The following PARD3B variants were observed in gnomAD, a reference collection of about 807,000 sequenced individuals.
The protein encoded by PARD3B is par-3 family cell polarity regulator beta, also known as partitioning defective 3 homolog B.
PARD3B carries 103 observed loss-of-function variants against 130.2 expected under a neutral mutation model. The ratio of observed to expected loss-of-function variants is 0.79; its 90% CI spans 0.67 to 0.93. The LOEUF (loss-of-function observed/expected upper bound fraction) is 0.93. PARD3B is among the 40% of genes least tolerant of loss of function. The pLI, the probability that PARD3B is intolerant of heterozygous loss-of-function variation, is 0.00. For synonymous variants in PARD3B, 583 were observed against 553.2 expected (o/e 1.05, Z -0.76); for missense variants, 1,609 against 1,499.2 (o/e 1.07, Z -1.21).
intron 2 of PARD3B, among the ~76,000 whole-genome samples, chr2:204,912,180 A>G (rs1268350324): frequency 1.3e-5 from 2 of 152,214 alleles, no homozygotes; most frequent in Non-Finnish European, 1.5e-5. Context: ...GTATTTTGAT[A>G]TACATATTTT....
chr2:204,653,008 A>C (rs1027345670), intron 1 of PARD3B, among the ~76,000 whole-genome samples: 10 of 150,992 alleles, frequency 6.6e-5, no homozygotes, highest in Non-Finnish European at 1.3e-4. Flanking sequence ...CTCCCGACAC[A>C]TGGGGATTAC....
At chr2:205,483,244 A>T (rs10187140) in intron 20 of PARD3B, among the ~76,000 whole-genome samples, 46,669 of 152,046 alleles carry the variant, frequency 0.31, 7,332 homozygotes, top group South Asian at 0.4. Context: ...ATAAACATTG[A>T]TGGTGTTGCT....
At chr2:205,471,416 C>T (rs1366948459) in intron 20 of PARD3B, among the ~76,000 whole-genome samples, 6 of 134,588 alleles carry the variant, frequency 4.5e-5, no homozygotes, top group African/African-American at 1.8e-4. Flanking sequence ...GGCTATAGTG[C>T]AGTGGCGCAA....
intron 22 of PARD3B, among the ~76,000 whole-genome samples, chr2:205,574,699 C>T (rs1256604116): frequency 1.3e-5 from 2 of 152,004 alleles, no homozygotes; most frequent in East Asian, 3.9e-4. Flanking sequence ...AGACAAAGCC[C>T]TTCCCTTCAC....
At chr2:205,608,391 A>G (rs946134997) in intron 22 of PARD3B, among the ~76,000 whole-genome samples, 1 of 152,262 alleles carries the variant, frequency 6.6e-6, no homozygotes, top group Non-Finnish European at 1.5e-5. Flanking sequence ...TAAGGGGCCT[A>G]TCAAGTTAGG....
At chr2:204,965,000 A>G (rs906598942) in intron 2 of PARD3B, 152 bp from the exon 3 acceptor site, 1 of 600,758 alleles carries the variant, frequency 1.7e-6, no homozygotes, top group Non-Finnish European at 2.8e-6. Context: ...AATATTATTG[A>G]AAAATTAAGA....
At chr2:205,062,685 G>GA (rs530823719) in intron 4 of PARD3B, among the ~76,000 whole-genome samples, 5 of 151,524 alleles carry the variant, frequency 3.3e-5, no homozygotes. Flanking sequence ...CAAATGAAAA[G>GA]AAAAAAAGAA....
intron 2 of PARD3B, among the ~76,000 whole-genome samples, chr2:204,944,975 T>G (rs1482835226): frequency 6.6e-6 from 1 of 152,242 alleles, no homozygotes; most frequent in African/African-American, 2.4e-5. Context: ...CAAACTGTAT[T>G]TTAATCTTTT....
chr2:205,017,635 AG>A (rs1360177038), intron 3 of PARD3B, among the ~76,000 whole-genome samples: 1 of 152,174 alleles, frequency 6.6e-6, no homozygotes, highest in Non-Finnish European at 1.5e-5. Context: ...CACTGGTCAC[AG>A]CCAGGGTTCT....
In PARD3B at chr2:204,606,950, A is replaced by G. The variant is rs2033745113; in HGVS notation, c.120+60831A>G. 6.6e-6 allele frequency among the ~76,000 whole-genome samples: 1 copy of G among 152,146 alleles called. No individual in the cohort carries two copies. The highest frequency in any genetic ancestry group is 1.5e-5 in the Non-Finnish European group (1 of 68,018). On this transcript the variant is annotated intron_variant, in intron 1 of 22. Coordinates refer to ENST00000406610, the MANE Select transcript of PARD3B (RefSeq NM_001302769.2). This position sits in a 1 kb window ranked among gnomAD's most constrained non-coding sequence, Gnocchi z 4.0. ...CATATATTTACCTTTAAAGAAAGAC[A>G]TTGTTTTCTTGCACCTGTCCTCCAC... is the stretch of plus-strand genomic sequence containing the variant.
rs114584411 is a variant in PARD3B, at chr2:204,888,347, C to T, written c.223-76805C>T. Among the ~76,000 whole-genome samples, 1,002 of 148,762 alleles carry T rather than the reference C, an allele frequency of 6.7e-3. 10 individuals are homozygous for T. Among genetic ancestry groups the T allele is most frequent in the African/African-American group, 0.023 (904 of 39,026 alleles). On this transcript the variant is annotated intron_variant, in intron 2 of 22. Transcript: ENST00000406610. ...AGATCTGGCAGAGAAGACAAGAGAGCAAACAGAGGAGAAAGGGAGAGAGGG... is the reference window on the plus strand; with the variant it reads ...AGATCTGGCAGAGAAGACAAGAGAGTAAACAGAGGAGAAAGGGAGAGAGGG...
In PARD3B at chr2:205,122,558, A is replaced by C. The variant is rs903845419; in HGVS notation, c.1165+609A>C. On this transcript the variant is annotated intron_variant, in intron 8 of 22. Coordinates refer to ENST00000406610, the MANE Select transcript of PARD3B (RefSeq NM_001302769.2). This position sits in a 1 kb window ranked among gnomAD's most constrained non-coding sequence, Gnocchi z 4.3. ...CATGCATATTTATGCAGTATTCTAC[A>C]CACATACATAAGCATTCATGTGCTT... is the stretch of plus-strand genomic sequence containing the variant. Among the ~76,000 whole-genome samples the C allele has an allele frequency of 2.0e-5, 3 of 152,248 alleles. No homozygotes were observed. Among genetic ancestry groups the C allele is most frequent in the African/African-American group, 7.2e-5 (3 of 41,466 alleles).
At chr2:205,267,920 C>T (rs1208200542) in intron 16 of PARD3B, among the ~76,000 whole-genome samples, 1 of 152,166 alleles carries the variant, frequency 6.6e-6, no homozygotes, top group African/African-American at 2.4e-5. Flanking sequence ...AATCTAATCT[C>T]TAAACCAGAG....
chr2:205,204,875 G>A (rs1465093284), intron 15 of PARD3B, among the ~76,000 whole-genome samples: 6 of 152,122 alleles, frequency 3.9e-5, no homozygotes, highest in African/African-American at 1.4e-4. Flanking sequence ...TTTGAAGTCA[G>A]GTAGCATGAT....
At chr2:205,369,581 A>G (rs188577280) in intron 18 of PARD3B, among the ~76,000 whole-genome samples, 133 of 152,328 alleles carry the variant, frequency 8.7e-4, no homozygotes, top group African/African-American at 3.0e-3. Context: ...TCAGTCTGGA[A>G]CTATCCTGTA....
intron 21 of PARD3B, among the ~76,000 whole-genome samples, chr2:205,539,052 T>C (rs1317541885): frequency 6.6e-6 from 1 of 152,150 alleles, no homozygotes; most frequent in Non-Finnish European, 1.5e-5. Context: ...ACCCAACCAC[T>C]ATGGCACACT....
chr2:204,963,513 A>G (rs1690933186), intron 2 of PARD3B, among the ~76,000 whole-genome samples: 2 of 152,194 alleles, frequency 1.3e-5, no homozygotes, highest in African/African-American at 4.8e-5. Context: ...GTTAAATGTT[A>G]AAATGAACAT....
At chr2:205,285,321 G>A (rs1015134531) in intron 16 of PARD3B, among the ~76,000 whole-genome samples, 4 of 152,058 alleles carry the variant, frequency 2.6e-5, no homozygotes, top group Admixed American at 2.6e-4. Context: ...TGTTCTGCCA[G>A]AGCAAAACAT....
At chr2:205,259,385 A>G (rs1408696473) in intron 16 of PARD3B, among the ~76,000 whole-genome samples, 3 of 148,884 alleles carry the variant, frequency 2.0e-5, no homozygotes, top group Non-Finnish European at 4.5e-5. Context: ...AGCACATTGG[A>G]GATCTTCTTC....
Sources: gnomAD v4.1 joint callset for allele counts (sites outside exome capture counted in the v4.1 genomes callset) on GRCh38, gnomAD v4.1.1 for gene constraint, Gnocchi (gnomAD v3.1) non-coding constraint, MANE v1.5 for transcripts, NCBI Gene and HGNC (gene_info 2026-07-23, HGNC 2026-07-21) for gene names.